Variants in FCHSD2 observed in about 807,000 individuals in gnomAD.
FCHSD2 encodes FCH and double SH3 domains 2.
Under a neutral mutation model 108.1 loss-of-function variants are expected in FCHSD2, and 38 were observed. The observed-to-expected ratio is 0.35, with a 90% CI of 0.27 to 0.46. The LOEUF is 0.46. Ranked by LOEUF, FCHSD2 falls within the 20% of genes least tolerant of loss-of-function variation. The pLI is 1.00. For missense variants in FCHSD2, 751 were observed against 897.8 expected, an observed-to-expected ratio of 0.84 and a Z score of 2.09; for synonymous variants, 279 against 314.7, an observed-to-expected ratio of 0.89 and a Z score of 1.20.
chr11:73,099,833 C>T (rs1860176018), intron 2 of FCHSD2, among the ~76,000 whole-genome samples: 1 of 152,314 alleles, frequency 6.6e-6, no homozygotes, highest in Admixed American at 6.5e-5. Context: ...GAGGCGGCAC[C>T]ACCATTTTCT....
At chr11:73,067,191 G>A (rs1859315637) in intron 3 of FCHSD2, among the ~76,000 whole-genome samples, 1 of 152,144 alleles carries the variant, frequency 6.6e-6, no homozygotes, top group Non-Finnish European at 1.5e-5. Flanking sequence ...GCAGGGACAT[G>A]GATGAAGCTG....
intron 3 of FCHSD2, among the ~76,000 whole-genome samples, chr11:73,016,110 T>C (rs556179572): frequency 1.3e-5 from 2 of 152,076 alleles, no homozygotes; most frequent in African/African-American, 4.8e-5. Flanking sequence ...TGAGACCAGC[T>C]TGGCCAACAT....
intron 8 of FCHSD2, among the ~76,000 whole-genome samples, chr11:72,953,225 A>C (rs1029275122): frequency 4.6e-5 from 7 of 152,244 alleles, no homozygotes; most frequent in Non-Finnish European, 8.8e-5. Flanking sequence ...CATGACAAGC[A>C]TTAGAAACTA....
chr11:73,017,342 T>G (rs906172274), intron 3 of FCHSD2, among the ~76,000 whole-genome samples: 4 of 152,200 alleles, frequency 2.6e-5, no homozygotes, highest in Non-Finnish European at 5.9e-5. Context: ...CCTAATGTAA[T>G]GGTTATAGAA....
chr11:73,095,811 G>A (rs1388166676), intron 2 of FCHSD2, among the ~76,000 whole-genome samples: 3 of 151,992 alleles, frequency 2.0e-5, no homozygotes, highest in South Asian at 2.1e-4. Context: ...AACAAGCCAC[G>A]CTGGCAGAAA....
chr11:72,860,333 C>CT (rs1861537593), intron 13 of FCHSD2, among the ~76,000 whole-genome samples: 1 of 151,956 alleles, frequency 6.6e-6, no homozygotes, highest in Non-Finnish European at 1.5e-5. Context: ...AATATACATT[C>CT]TTTTTTTTAA....
At chr11:72,922,230 C>A (rs558122899) in intron 8 of FCHSD2, among the ~76,000 whole-genome samples, 1 of 152,124 alleles carries the variant, frequency 6.6e-6, no homozygotes, top group African/African-American at 2.4e-5. Flanking sequence ...GGGTTCTGAT[C>A]TTTGCTCATC....
chr11:72,929,532 G>C (rs1856147777), intron 8 of FCHSD2, among the ~76,000 whole-genome samples: 1 of 152,150 alleles, frequency 6.6e-6, no homozygotes, highest in South Asian at 2.1e-4. Context: ...TTCAAAGCAC[G>C]GGAAGTGGAT....
At chr11:73,041,658 G>A (rs1346298387) in intron 3 of FCHSD2, among the ~76,000 whole-genome samples, 1 of 151,966 alleles carries the variant, frequency 6.6e-6, no homozygotes, top group South Asian at 2.1e-4. Context: ...TTTATTAAAC[G>A]AATACTTGCA....
intron 2 of FCHSD2, among the ~76,000 whole-genome samples, chr11:73,132,394 T>C (rs968495233): frequency 2.0e-5 from 3 of 152,198 alleles, no homozygotes; most frequent in African/African-American, 7.2e-5. Context: ...TACAAAATAC[T>C]GAAGCTCAGA....
chr11:73,108,297 A>T (rs991848004), intron 2 of FCHSD2, among the ~76,000 whole-genome samples: 1 of 152,224 alleles, frequency 6.6e-6, no homozygotes, highest in Non-Finnish European at 1.5e-5. Context: ...TACATATTCT[A>T]GTTACTAATC....
intron 2 of FCHSD2, among the ~76,000 whole-genome samples, chr11:73,102,463 T>C (rs551953059): frequency 1.3e-5 from 2 of 152,230 alleles, no homozygotes; most frequent in African/African-American, 4.8e-5. Context: ...TTATTTATAA[T>C]AGCCAAAAAC....
At chr11:72,854,257 C>G (rs1046140582) in intron 13 of FCHSD2, among the ~76,000 whole-genome samples, 1 of 152,190 alleles carries the variant, frequency 6.6e-6, no homozygotes, top group Non-Finnish European at 1.5e-5. Context: ...AAAGCACAGA[C>G]TTGAACAGAT....
rs1241777737 is a variant in FCHSD2 at position 73,142,199 on chromosome 11, G to C, written c.-322C>G. The stretch of plus-strand genomic sequence containing the variant: ...GAGCAGGGGCGCGAGGGTCTCAGCC[G>C]GCCGGGCGGCGGGTTAGCCGCAGCC... On this transcript the variant is annotated 5_prime_UTR_variant, in exon 1 of 20. Coordinates refer to ENST00000409418, the MANE Select transcript of FCHSD2 (RefSeq NM_014824.3). 1 of 185,972 alleles carries C rather than the reference G, an allele frequency of 5.4e-6. No individual in the cohort carries two copies. The highest frequency in any genetic ancestry group is 2.4e-5 in the African/African-American group (1 of 42,352). 11.5% of individuals were successfully genotyped at this position (185,972 alleles called of 1,614,324 possible). A position where few individuals can be genotyped will look rare whatever the true frequency, so the allele number is the denominator to read the frequency against.
At chr11:72,894,814 T>C (rs1270702307) in intron 10 of FCHSD2, among the ~76,000 whole-genome samples, 1 of 152,176 alleles carries the variant, frequency 6.6e-6, no homozygotes, top group Non-Finnish European at 1.5e-5. Context: ...AGTTTTTTCT[T>C]TCATATATAC....
intron 3 of FCHSD2, among the ~76,000 whole-genome samples, chr11:73,050,628 C>T (rs1300696875): frequency 6.6e-6 from 1 of 152,132 alleles, no homozygotes; most frequent in Non-Finnish European, 1.5e-5. Flanking sequence ...TAAACTAAGA[C>T]TGCTGTCCTT....
At chr11:72,848,518 G>A (rs1354213194) in intron 14 of FCHSD2, among the ~76,000 whole-genome samples, 1 of 152,066 alleles carries the variant, frequency 6.6e-6, no homozygotes, top group African/African-American at 2.4e-5. Flanking sequence ...TTTCACACTT[G>A]TTCTATTTTC....
At chr11:73,017,915 T>C (rs939084003) in intron 3 of FCHSD2, among the ~76,000 whole-genome samples, 4 of 152,186 alleles carry the variant, frequency 2.6e-5, no homozygotes, top group African/African-American at 9.7e-5. Flanking sequence ...TCTTTCTATA[T>C]TTATTAGCTA....
At chr11:72,900,994 A>G (rs1292077281) in intron 10 of FCHSD2, among the ~76,000 whole-genome samples, 1 of 152,250 alleles carries the variant, frequency 6.6e-6, no homozygotes, top group African/African-American at 2.4e-5. Flanking sequence ...GTTAAATTTC[A>G]ATTTTTATGT....
Sources: gnomAD v4.1 joint callset for allele counts (sites outside exome capture counted in the v4.1 genomes callset) on GRCh38, gnomAD v4.1.1 for gene constraint, MANE v1.5 for transcripts, NCBI Gene and HGNC (gene_info 2026-07-23, HGNC 2026-07-21) for gene names.